SPDL1: variants seen among roughly 807,000 people sequenced by gnomAD.
The protein encoded by SPDL1 is spindle apparatus coiled-coil protein 1.
A neutral mutation model predicts 79.5 loss-of-function variants in SPDL1; 85 were observed. That is an observed-to-expected ratio of 1.07 (90% CI 0.90 to 1.28). SPDL1 has a LOEUF of 1.28. Ranked by LOEUF, SPDL1 falls within the 50% of genes most tolerant of loss-of-function variation. The pLI is 0.00. For missense variants in SPDL1, 703 were observed against 697.8 expected (o/e 1.01, Z -0.08); for synonymous variants, 269 against 240.3 (o/e 1.12, Z -1.10).
At chr5:169,600,037 GT>G (rs1278908100) in intron 10 of SPDL1, among the ~76,000 whole-genome samples, 8 of 152,158 alleles carry the variant, frequency 5.3e-5, no homozygotes, top group Non-Finnish European at 4.4e-5. Flanking sequence ...AGAGAGTGAA[GT>G]TTACTGTATG....
intron 10 of SPDL1, among the ~76,000 whole-genome samples, chr5:169,600,257 A>C (rs1051155064): frequency 6.6e-6 from 1 of 152,220 alleles, no homozygotes; most frequent in Non-Finnish European, 1.5e-5. Flanking sequence ...TGCCAAAAAT[A>C]GGAAGGTTTT....
chr5:169,604,068 C>T lies in SPDL1; in HGVS notation c.1679C>T (p.Ala560Val). ...GNTPNSPRLA[A>V]ESKLQTEVKE... The stretch of plus-strand genomic sequence containing the variant: ...TGCTTTAATGCCTGTAGGTTAGCTG[C>T]TGAATCAAAGCTTCAAACAGAAGTT... The change falls in exon 12 of 12, where the codon GCT (alanine) becomes GTT (valine). Residue 560 changes from alanine to valine, a missense_variant. Transcript: ENST00000265295. 1.2e-6 allele frequency: 2 copies of T among 1,609,284 alleles called. No individual in the cohort carries two copies. Among genetic ancestry groups the T allele is most frequent in the Non-Finnish European group, 1.7e-6 (2 of 1,178,214 alleles).
Position 169,583,876 on chromosome 5 carries a change from G to C in SPDL1, c.-37G>C, listed in dbSNP as rs980367895. On this transcript the variant is annotated 5_prime_UTR_variant, in exon 1 of 12. Transcript: ENST00000265295. ...GGAGCCGCTGGCTGCGGCAGCAGGGGACTAGCGTGAGAGGTAGGGGCAAGG... is the reference window on the plus strand; with the variant it reads ...GGAGCCGCTGGCTGCGGCAGCAGGGCACTAGCGTGAGAGGTAGGGGCAAGG... 1 of 152,484 alleles carries C rather than the reference G, an allele frequency of 6.6e-6. No homozygotes were observed. Among genetic ancestry groups the C allele is most frequent in the Non-Finnish European group, 1.5e-5 (1 of 68,206 alleles). The allele number at this position is 152,484 out of a possible 1,614,324, so 9.4% of individuals were successfully genotyped here.
intron 11 of SPDL1, among the ~76,000 whole-genome samples, chr5:169,602,424 C>T (rs950445446): frequency 1.3e-5 from 2 of 152,186 alleles, no homozygotes; most frequent in Non-Finnish European, 2.9e-5. Context: ...GCATTTAAAA[C>T]AAATATCTAG....
chr5:169,600,813 A>G (rs1387012897), intron 10 of SPDL1, among the ~76,000 whole-genome samples: 1 of 152,222 alleles, frequency 6.6e-6, no homozygotes, highest in African/African-American at 2.4e-5. Context: ...CTTGTCATTT[A>G]ATCCTTCTAA....
At chr5:169,603,547 G>T (rs1174613415) in intron 11 of SPDL1, among the ~76,000 whole-genome samples, 1 of 152,100 alleles carries the variant, frequency 6.6e-6, no homozygotes, top group Non-Finnish European at 1.5e-5. Context: ...ACTTTTTAAA[G>T]ATATTCTTTA....
Position 169,598,542 on chromosome 5 carries a change from T to C in SPDL1, c.1099T>C (p.Tyr367His). Reference protein sequence around the residue: ...DSGTLEDNTYYTDLLQMKLDN... With the variant: ...DSGTLEDNTYHTDLLQMKLDN... ...TGGTACTCTGGAAGATAACACCTAT[T>C]ATACAGATTTACTTCAGATGAAGCT... The change falls in exon 9 of 12, where the codon TAT (tyrosine) becomes CAT (histidine). Residue 367 changes from tyrosine (Y) to histidine (H), a missense_variant. Coordinates refer to ENST00000265295, the MANE Select transcript of SPDL1 (RefSeq NM_017785.5). 6.2e-7 allele frequency: 1 copy of C among 1,612,888 alleles called. No individual in the cohort carries two copies. The highest frequency in any genetic ancestry group is 1.1e-5 in the South Asian group (1 of 91,042).
chr5:169,585,199 C>T (rs752642674), intron 1 of SPDL1, among the ~76,000 whole-genome samples: 1 of 152,142 alleles, frequency 6.6e-6, no homozygotes, highest in East Asian at 1.9e-4. Context: ...CCCTTCTACG[C>T]GCTGCCCCCC....
At chr5:169,603,993 G>T in intron 11 of SPDL1, 67 bp from the exon 12 acceptor site, 1 of 1,516,564 alleles carries the variant, frequency 6.6e-7, no homozygotes, top group Non-Finnish European at 8.8e-7. Context: ...CCATTATACT[G>T]GGGGTTTGTT....
At chr5:169,596,740 G>T in intron 8 of SPDL1, 39 bp downstream of exon 8, 2 of 1,499,096 alleles carry the variant, frequency 1.3e-6, no homozygotes, top group South Asian at 1.3e-5. Flanking sequence ...TCCAAATTTT[G>T]ATTTGAATAT....
Position 169,598,464 on chromosome 5 carries a change from T to G in SPDL1, c.1033-12T>G. On this transcript the variant is annotated splice_polypyrimidine_tract_variant and intron_variant, in intron 8 of 11. Coordinates refer to ENST00000265295, the MANE Select transcript of SPDL1 (RefSeq NM_017785.5). ...ATTTATTTTAAGTAATACAAACTTT[T>G]GCTTTTTTAAGAATTTATATGACAG... 1 of 1,543,950 alleles carries G rather than the reference T, an allele frequency of 6.5e-7. No homozygotes were observed. Among genetic ancestry groups the G allele is most frequent in the Non-Finnish European group, 8.9e-7 (1 of 1,118,020 alleles).
chr5:169,598,518 G>C lies in SPDL1; in HGVS notation c.1075G>C (p.Gly359Arg). 6.2e-7 allele frequency: 1 copy of C among 1,613,158 alleles called. No individual in the cohort carries two copies. Residue 359 changes from glycine to arginine, a missense_variant, in exon 9 of 12, where the codon GGT (glycine) becomes CGT (arginine). Physicochemically the swap from Gly to Arg is moderately radical, Grantham distance 125 (BLOSUM62 -2). Transcript: ENST00000265295. The stretch of plus-strand genomic sequence containing the variant: ...GGAATCTAAGCCTTCAGTCGACTCT[G>C]GTACTCTGGAAGATAACACCTATTA... ...SMESKPSVDS[G>R]TLEDNTYYTD... is the part of the protein sequence containing the mutation.
intron 8 of SPDL1, 130 bp downstream of exon 8, chr5:169,596,831 GT>G: frequency 1.4e-6 from 1 of 710,664 alleles, no homozygotes; most frequent in South Asian, 2.4e-5. Context: ...GTAAATGGCT[GT>G]TTCTCCTTAT....
chr5:169,600,107 C>T (rs1343807014), intron 10 of SPDL1, among the ~76,000 whole-genome samples: 1 of 152,108 alleles, frequency 6.6e-6, no homozygotes, highest in Non-Finnish European at 1.5e-5. Flanking sequence ...GGTTCTACAA[C>T]ACCCCTTCCC....
At chr5:169,600,800 A>C (rs912363945) in intron 10 of SPDL1, among the ~76,000 whole-genome samples, 2 of 152,226 alleles carry the variant, frequency 1.3e-5, no homozygotes, top group African/African-American at 4.8e-5. Flanking sequence ...AGTTTGGCCT[A>C]TTCTTGTCAT....
At chr5:169,592,052 C>T (rs1755314589) in intron 3 of SPDL1, among the ~76,000 whole-genome samples, 1 of 152,106 alleles carries the variant, frequency 6.6e-6, no homozygotes, top group Non-Finnish European at 1.5e-5. Context: ...GACTTTTGTC[C>T]TCCTTTCTCA....
At chr5:169,600,530 C>T (rs190434536) in intron 10 of SPDL1, among the ~76,000 whole-genome samples, 1 of 152,302 alleles carries the variant, frequency 6.6e-6, no homozygotes, top group Admixed American at 6.5e-5. Flanking sequence ...GTTCCTCAGA[C>T]TCCACTAACA....
At position 169,594,503 on chromosome 5, in the gene SPDL1, G is replaced by A. The variant is rs1338888035; in HGVS notation, c.780+11G>A. 60 of 1,612,912 alleles carry A rather than the reference G, an allele frequency of 3.7e-5. No homozygotes were observed. Among genetic ancestry groups the A allele is most frequent in the Non-Finnish European group, 4.9e-5 (58 of 1,179,018 alleles). ...TCTTTGTTTGCAGAGGTACTTATAA[G>A]TATCCTAACTACTAAATTGGTATTT... On this transcript the variant is annotated intron_variant, in intron 6 of 11. Coordinates refer to ENST00000265295, the MANE Select transcript of SPDL1 (RefSeq NM_017785.5).
Position 169,594,466 on chromosome 5 carries a change from A to G in SPDL1, c.754A>G (p.Ser252Gly), listed in dbSNP as rs568925133. Residue 252 changes from serine (S) to glycine (G), a missense_variant, in exon 6 of 12, where the codon AGT becomes GGT. Ser to Gly is a moderately conservative substitution (Grantham distance 56, BLOSUM62 0). Transcript: ENST00000265295. Reference protein sequence around the residue: ...QALQQALDPNSKGNSLFAEVE... With the variant: ...QALQQALDPNGKGNSLFAEVE... ...ACTCCAGCAAGCCTTGGATCCCAAT[A>G]GTAAAGGCAACTCTTTGTTTGCAGA... The G allele has an allele frequency of 1.2e-6, 2 of 1,614,116 alleles. No individual in the cohort carries two copies. Among genetic ancestry groups the G allele is most frequent in the South Asian group, 2.2e-5 (2 of 91,086 alleles).
Sources: gnomAD v4.1 joint callset for allele counts (sites outside exome capture counted in the v4.1 genomes callset) on GRCh38, gnomAD v4.1.1 for gene constraint, MANE v1.5 for transcripts, NCBI Gene and HGNC (gene_info 2026-07-23, HGNC 2026-07-21) for gene names.